GRAMD1B: variants seen among roughly 807,000 people sequenced by gnomAD.
GRAMD1B encodes the protein protein Aster-B.
Under a neutral mutation model 99.7 loss-of-function variants are expected in GRAMD1B, and 37 were observed. That is an observed-to-expected ratio of 0.37 (90% confidence interval 0.29 to 0.49). The LOEUF (loss-of-function observed/expected upper bound fraction) is 0.49. Ranked by LOEUF, GRAMD1B falls within the 20% of genes least tolerant of loss-of-function variation. The pLI is 0.98. For missense variants in GRAMD1B, 888 were observed against 1,009.2 expected (o/e 0.88, Z 1.63); for synonymous variants, 427 against 387.6 (o/e 1.10, Z -1.19).
chr11:123,600,387 C>T (rs1366451093), intron 7 of GRAMD1B, 81 bp from the exon 8 acceptor site: 11 of 864,208 alleles, frequency 1.3e-5, no homozygotes, highest in Non-Finnish European at 2.0e-5. Flanking sequence ...AGTATCTTTT[C>T]TTAAAGGATG....
chr11:123,366,801 T>G (rs1487671140), intron 1 of GRAMD1B, among the ~76,000 whole-genome samples: 1 of 152,244 alleles, frequency 6.6e-6, no homozygotes, highest in Non-Finnish European at 1.5e-5. Context: ...CTCTACCAAT[T>G]GTAGACAGGG....
intron 1 of GRAMD1B, among the ~76,000 whole-genome samples, chr11:123,476,798 C>A (rs1245063371): frequency 1.3e-5 from 2 of 151,936 alleles, no homozygotes; most frequent in Non-Finnish European, 2.9e-5. Flanking sequence ...CTCATTTCTG[C>A]ATGTCTTGAG....
At chr11:123,439,654 G>C (rs1426528877) in intron 1 of GRAMD1B, among the ~76,000 whole-genome samples, 1 of 152,194 alleles carries the variant, frequency 6.6e-6, no homozygotes, top group East Asian at 1.9e-4. Flanking sequence ...TGAGATGGAG[G>C]AATGAGATGA....
Position 123,551,419 on chromosome 11 carries a change from G to A in GRAMD1B, c.453-25948G>A, listed in dbSNP as rs141396416. ...CATGGGACAGGGACTCTACGATGTTGTACTTTGCCTTACATCTGTTCATTC... is the reference window on the plus strand; with the variant it reads ...CATGGGACAGGGACTCTACGATGTTATACTTTGCCTTACATCTGTTCATTC... On this transcript the variant is annotated intron_variant, in intron 2 of 19. Coordinates refer to ENST00000635736, the MANE Select transcript of GRAMD1B (RefSeq NM_001387025.1). Among the ~76,000 whole-genome samples, 943 of 152,306 alleles carry A rather than the reference G, an allele frequency of 6.2e-3. 9 individuals carry two copies. Among genetic ancestry groups the A allele is most frequent in the African/African-American group, 0.018 (741 of 41,564 alleles).
upstream of GRAMD1B, among the ~76,000 whole-genome samples, chr11:123,427,202 T>C (rs942144015): frequency 3.3e-5 from 5 of 152,208 alleles, no homozygotes; most frequent in Non-Finnish European, 7.3e-5. Context: ...TGAAAACTCT[T>C]TGGTTCTGAT....
intron 1 of GRAMD1B, among the ~76,000 whole-genome samples, chr11:123,363,694 C>A (rs991408482): frequency 7.2e-5 from 11 of 152,158 alleles, no homozygotes; most frequent in African/African-American, 2.7e-4. Context: ...TGAACTTGCC[C>A]TGAGTGGAAG....
intron 2 of GRAMD1B, among the ~76,000 whole-genome samples, chr11:123,552,867 C>T (rs1945764331): frequency 6.6e-6 from 1 of 152,098 alleles, no homozygotes; most frequent in South Asian, 2.1e-4. Context: ...TGAGTGTTAG[C>T]TCTTTTTATG....
chr11:123,368,905 G>T (rs1946423480), intron 1 of GRAMD1B, among the ~76,000 whole-genome samples: 1 of 151,156 alleles, frequency 6.6e-6, no homozygotes, highest in East Asian at 2.0e-4. Context: ...GAAGGCAGTT[G>T]AGAGTTTGAG....
At position 123,580,672 on chromosome 11, in the gene GRAMD1B, C is replaced by G. The variant is rs1949254089; in HGVS notation, c.663+3095C>G. Among the ~76,000 whole-genome samples, 2 of 152,224 alleles carry G rather than the reference C, an allele frequency of 1.3e-5. 1 individual carries two copies. Among genetic ancestry groups the G allele is most frequent in the South Asian group, 4.1e-4 (2 of 4,836 alleles). Reference sequence around the variant, plus strand: ...CGACCCTCCTAGGTGCAGTCCGGCCCCAGCACTTCCCTCCCAATGAGTTTG... The same window carrying G: ...CGACCCTCCTAGGTGCAGTCCGGCCGCAGCACTTCCCTCCCAATGAGTTTG... On this transcript the variant is annotated intron_variant, in intron 3 of 19. Coordinates refer to ENST00000635736, the MANE Select transcript of GRAMD1B (RefSeq NM_001387025.1).
chr11:123,538,071 A>T (rs1187142688), intron 2 of GRAMD1B, among the ~76,000 whole-genome samples: 1 of 152,174 alleles, frequency 6.6e-6, no homozygotes, highest in East Asian at 1.9e-4. Context: ...ATGAACTACG[A>T]ATGAGCACCT....
chr11:123,461,673 C>T (rs906751788), intron 1 of GRAMD1B, among the ~76,000 whole-genome samples: 4 of 152,094 alleles, frequency 2.6e-5, no homozygotes, highest in South Asian at 2.1e-4. Flanking sequence ...GGCGTGATCT[C>T]GGCTCACTGC....
At chr11:123,578,670 T>C (rs1302999570) in intron 3 of GRAMD1B, among the ~76,000 whole-genome samples, 1 of 152,192 alleles carries the variant, frequency 6.6e-6, no homozygotes, top group Non-Finnish European at 1.5e-5. Flanking sequence ...CCTGCACCCA[T>C]GTCTGCCTGC....
chr11:123,507,198 G>T (rs1330656218), intron 2 of GRAMD1B, among the ~76,000 whole-genome samples: 3 of 152,172 alleles, frequency 2.0e-5, no homozygotes, highest in African/African-American at 7.2e-5. Context: ...AGGATGGCAG[G>T]CCACAGCAAG....
At chr11:123,368,258 CAAAAA>C (rs1024340450) in intron 1 of GRAMD1B, among the ~76,000 whole-genome samples, 62 of 88,312 alleles carry the variant, frequency 7.0e-4, no homozygotes, top group African/African-American at 2.3e-3. Flanking sequence ...CATCTTAAAA[CAAAAA>C]AAAAAAAAAA....
intron 2 of GRAMD1B, among the ~76,000 whole-genome samples, chr11:123,504,555 A>G (rs1940229510): frequency 6.6e-6 from 1 of 152,148 alleles, no homozygotes; most frequent in South Asian, 2.1e-4. Flanking sequence ...ACCAATTCAG[A>G]CTTGACCTTT....
rs1280558584 is a variant in GRAMD1B at position 123,613,635 on chromosome 11, G to A, written c.2204G>A (p.Gly735Asp). Residue 735 changes from glycine (G) to aspartate (D), a missense_variant, in exon 16 of 20, where the codon GGC (glycine) becomes GAC (aspartate). Gly to Asp is a moderately conservative substitution (Grantham distance 94). Around this residue, in one of 5 missense-constraint regions of GRAMD1B, gnomAD observed 232 missense variants for 261.7 expected, o/e 0.89. Coordinates refer to ENST00000635736, the MANE Select transcript of GRAMD1B (RefSeq NM_001387025.1). ...PVTTPTDEDVGHRIKHVAGST... is the reference protein window; with the variant it reads ...PVTTPTDEDVDHRIKHVAGST... ...ACCACGCCCACAGATGAGGATGTGG[G>A]CCACAGGATCAAACATGTGGCAGGT... 7 of 1,613,504 alleles carry A rather than the reference G, an allele frequency of 4.3e-6. No individual in the cohort carries two copies. Among genetic ancestry groups the A allele is most frequent in the Admixed American group, 1.7e-5 (1 of 59,966 alleles).
At chr11:123,571,653 G>A (rs1948111661) in intron 2 of GRAMD1B, among the ~76,000 whole-genome samples, 1 of 152,138 alleles carries the variant, frequency 6.6e-6, no homozygotes, top group African/African-American at 2.4e-5. Flanking sequence ...GGTGGCTGGT[G>A]GGGGTCTTAG....
chr11:123,429,051 C>T (rs149307670), upstream of GRAMD1B, among the ~76,000 whole-genome samples: 79 of 152,116 alleles, frequency 5.2e-4, no homozygotes, highest in African/African-American at 1.8e-3. This position sits in a 1 kb window ranked among gnomAD's most constrained non-coding sequence, Gnocchi z 4.0. Flanking sequence ...AACTTAGCTG[C>T]GTGTGGTGGT....
At chr11:123,388,384 T>C (rs1007428687) in intron 1 of GRAMD1B, among the ~76,000 whole-genome samples, 9 of 151,644 alleles carry the variant, frequency 5.9e-5, no homozygotes, top group African/African-American at 1.9e-4. Context: ...TAAGAAGAGG[T>C]CAGAGGAGCT....
Sources: allele counts gnomAD v4.1 joint callset (sites outside exome capture counted in the v4.1 genomes callset), GRCh38; gene constraint gnomAD v4.1.1; regional missense constraint gnomAD v4.1.1; non-coding constraint Gnocchi (gnomAD v3.1); transcripts MANE v1.5; gene names NCBI Gene and HGNC (gene_info 2026-07-23, HGNC 2026-07-21).